The following SEMA6D variants were observed in gnomAD, a reference collection of about 807,000 sequenced individuals.
SEMA6D encodes semaphorin 6D, also known as semaphorin-6D.
A neutral mutation model predicts 106.6 loss-of-function variants in SEMA6D; 35 were observed. That is an observed-to-expected ratio of 0.33 (90% CI 0.25 to 0.44). The LOEUF (loss-of-function observed/expected upper bound fraction) is 0.44, where lower values mean the gene tolerates loss of function less well. Ranked by LOEUF, SEMA6D falls within the 20% of genes least tolerant of loss-of-function variation. The probability of loss-of-function intolerance (pLI) is 1.00; values close to 1 mark genes in which losing one functional copy is unlikely to be tolerated. For missense variants in SEMA6D, 1,185 were observed against 1,345.9 expected (o/e 0.88, Z 1.87); for synonymous variants, 499 against 487.7 (o/e 1.02, Z -0.31).
intron 1 of SEMA6D, among the ~76,000 whole-genome samples, chr15:47,294,239 TC>T (rs1295886869): frequency 6.6e-6 from 1 of 150,508 alleles, no homozygotes; most frequent in East Asian, 2.0e-4. Context: ...TCTCTCTCTC[TC>T]TTTTTTTTTT....
intron 2 of SEMA6D, among the ~76,000 whole-genome samples, chr15:47,431,224 AT>A (rs1664215930): frequency 2.0e-5 from 3 of 152,110 alleles, no homozygotes; most frequent in Admixed American, 2.0e-4. Flanking sequence ...TCTTTGTAAT[AT>A]TTGATTTAAG....
intron 3 of SEMA6D, among the ~76,000 whole-genome samples, chr15:47,552,847 T>A (rs1241201224): frequency 1.3e-4 from 10 of 77,786 alleles, no homozygotes; most frequent in African/African-American, 8.2e-4. Context: ...TATATAAATA[T>A]ATATAAATAT....
intron 1 of SEMA6D, among the ~76,000 whole-genome samples, chr15:47,392,331 C>T (rs1168250619): frequency 6.6e-6 from 1 of 152,104 alleles, no homozygotes; most frequent in Non-Finnish European, 1.5e-5. Flanking sequence ...CTGTATATGG[C>T]AGAAGGGACT....
At chr15:47,517,928 A>G (rs1353456142) in intron 3 of SEMA6D, among the ~76,000 whole-genome samples, 1 of 151,996 alleles carries the variant, frequency 6.6e-6, no homozygotes, top group Non-Finnish European at 1.5e-5. Context: ...CATTTGGCCC[A>G]CCCTGACCCA....
chr15:47,343,525 C>T (rs967527120), intron 1 of SEMA6D, among the ~76,000 whole-genome samples: 31 of 151,474 alleles, frequency 2.0e-4, no homozygotes, highest in Middle Eastern at 3.4e-3. Flanking sequence ...TTTGTCCTTG[C>T]GATAGTTTGC....
chr15:47,473,655 A>G (rs2042918127), intron 3 of SEMA6D, among the ~76,000 whole-genome samples: 2 of 152,164 alleles, frequency 1.3e-5, no homozygotes, highest in South Asian at 4.1e-4. Context: ...AAAGCTTCTC[A>G]TAAAATAAAA....
chr15:47,731,888 C>T (rs977602448), intron 1 of SEMA6D, among the ~76,000 whole-genome samples: 28 of 152,132 alleles, frequency 1.8e-4, no homozygotes, highest in Admixed American at 2.6e-4. Flanking sequence ...TAACACACCA[C>T]ACATAGACAT....
At chr15:47,466,449 C>T (rs941898172) in intron 2 of SEMA6D, among the ~76,000 whole-genome samples, 2 of 152,026 alleles carry the variant, frequency 1.3e-5, no homozygotes, top group Non-Finnish European at 2.9e-5. Flanking sequence ...AGCATAATGT[C>T]CTCAAAGTTC....
At chr15:47,184,963 G>C (rs1893452806) in intron 1 of SEMA6D, among the ~76,000 whole-genome samples, 1 of 152,148 alleles carries the variant, frequency 6.6e-6, no homozygotes, top group Non-Finnish European at 1.5e-5. Flanking sequence ...CTGGGTGTAG[G>C]GAACGACCTA....
At chr15:47,292,864 T>C (rs1371576339) in intron 1 of SEMA6D, among the ~76,000 whole-genome samples, 1 of 152,164 alleles carries the variant, frequency 6.6e-6, no homozygotes, top group African/African-American at 2.4e-5. Flanking sequence ...AGGAAATGGG[T>C]ATACCAGTTC....
At chr15:47,190,821 A>G (rs1661553941) in intron 1 of SEMA6D, among the ~76,000 whole-genome samples, 1 of 152,156 alleles carries the variant, frequency 6.6e-6, no homozygotes, top group African/African-American at 2.4e-5. Context: ...TCTTTTCTTA[A>G]AGATTGTTAA....
chr15:47,350,232 C>T (rs955579198), intron 1 of SEMA6D, among the ~76,000 whole-genome samples: 1 of 145,542 alleles, frequency 6.9e-6, no homozygotes, highest in African/African-American at 2.4e-5. Flanking sequence ...GTCAAACCTG[C>T]TCTGAACTCC....
intron 4 of SEMA6D, among the ~76,000 whole-genome samples, chr15:47,615,451 T>A (rs957917129): frequency 1.3e-5 from 2 of 152,224 alleles, no homozygotes; most frequent in Non-Finnish European, 2.9e-5. Flanking sequence ...TTCTCACAGT[T>A]ATTTTCTCTT....
chr15:47,585,978 CATT>C (rs1371748916), intron 3 of SEMA6D, among the ~76,000 whole-genome samples: 1 of 152,172 alleles, frequency 6.6e-6, no homozygotes, highest in Non-Finnish European at 1.5e-5. Context: ...TATGGGGGAC[CATT>C]TGTTCAAGAT....
chr15:47,459,405 A>G (rs897031303), intron 2 of SEMA6D, among the ~76,000 whole-genome samples: 2 of 152,068 alleles, frequency 1.3e-5, no homozygotes, highest in Non-Finnish European at 2.9e-5. Flanking sequence ...ACAGCCCACC[A>G]ATACATTGAT....
At chr15:47,253,556 TAGTTTCCTACCTCTGCATATGG>T (rs1327916090) in intron 1 of SEMA6D, among the ~76,000 whole-genome samples, 9 of 152,164 alleles carry the variant, frequency 5.9e-5, no homozygotes, top group African/African-American at 2.2e-4. Flanking sequence ...AATAAGGGTC[TAGTTTCCTACCTCTGCATATGG>T]ATATCCAGTT....
At position 47,771,366 on chromosome 15, in the gene SEMA6D, A is replaced by G. The variant is rs1251230367; in HGVS notation, c.2803A>G (p.Thr935Ala). Residue 935 changes from threonine to alanine, a missense_variant, in exon 19 of 19, where the codon ACT becomes GCT. Thr to Ala is a moderately conservative substitution (Grantham distance 58). This residue lies in a region of SEMA6D where 750 missense variants were observed against 783.5 expected (regional missense o/e 0.96). Coordinates refer to ENST00000536845, the MANE Select transcript of SEMA6D (RefSeq NM_001358351.3). ...GGCATCGCTATACTCCCCTCCTTCA[A>G]CTCTCCCCAGAAATAGCCCAACCAA... is the stretch of plus-strand genomic sequence containing the variant. ...REASLYSPPS[T>A]LPRNSPTKRV... 6.2e-6 allele frequency: 10 copies of G among 1,613,014 alleles called. No individual in the cohort carries two copies. The highest frequency in any genetic ancestry group is 7.6e-6 in the Non-Finnish European group (9 of 1,179,732).
intron 1 of SEMA6D, among the ~76,000 whole-genome samples, chr15:47,302,974 A>G (rs2036080776): frequency 6.6e-6 from 1 of 152,246 alleles, no homozygotes; most frequent in Admixed American, 6.5e-5. Context: ...GTAATTTACC[A>G]GAAGAATTCA....
At chr15:47,466,204 G>A (rs1202188732) in intron 2 of SEMA6D, among the ~76,000 whole-genome samples, 6 of 152,088 alleles carry the variant, frequency 3.9e-5, no homozygotes, top group Admixed American at 6.6e-5. Flanking sequence ...AAATGACAAG[G>A]ATGCAATACA....
Sources: gnomAD v4.1 joint callset for allele counts (sites outside exome capture counted in the v4.1 genomes callset) on GRCh38, gnomAD v4.1.1 for gene constraint, gnomAD v4.1.1 regional missense constraint, MANE v1.5 for transcripts, NCBI Gene and HGNC (gene_info 2026-07-23, HGNC 2026-07-21) for gene names.